ODR4: variants seen among roughly 807,000 people sequenced by gnomAD.
The protein encoded by ODR4 is odr-4 GPCR localization factor homolog.
A neutral mutation model predicts 60.2 loss-of-function variants in ODR4; 47 were observed. The observed-to-expected ratio is 0.78, with a 90% confidence interval of 0.62 to 1.00. The LOEUF is 1.00. ODR4 is among the 50% of genes least tolerant of loss of function. The pLI is 0.00. For synonymous variants in ODR4, 178 were observed against 175.5 expected (o/e 1.01, Z -0.11); for missense variants, 488 against 530.8 (o/e 0.92, Z 0.79).
chr1:186,399,286 G>A, intron 11 of ODR4: 1 of 491,240 alleles, frequency 2.0e-6, no homozygotes, highest in Non-Finnish European at 3.8e-6. Flanking sequence ...CTCACCTGCA[G>A]CCTCAGCCTC....
chr1:186,375,959 C>G lies in ODR4; in HGVS notation c.-35C>G, dbSNP rs116008694. On this transcript the variant is annotated 5_prime_UTR_variant, in exon 1 of 14. Transcript: ENST00000287859. ...CCGAGGTAATTGTCTGCCACGAGTG[C>G]ACATTCTGAAAACAGGTAAGTCAGC... 484 of 211,864 alleles carry G rather than the reference C, an allele frequency of 2.3e-3. 4 individuals are homozygous for G. Among genetic ancestry groups the G allele is most frequent in the African/African-American group, 0.01 (466 of 44,416 alleles). The allele number at this position is 211,864 out of a possible 1,614,324, so 13.1% of individuals were successfully genotyped here.
At chr1:186,393,700 G>A (rs531611549) in intron 8 of ODR4, among the ~76,000 whole-genome samples, 6 of 152,332 alleles carry the variant, frequency 3.9e-5, no homozygotes, top group Non-Finnish European at 8.8e-5. Context: ...GGCAATGTGG[G>A]TATTTGCCCA....
At chr1:186,407,403 T>C (rs1018460619) in intron 12 of ODR4, among the ~76,000 whole-genome samples, 14 of 152,108 alleles carry the variant, frequency 9.2e-5, no homozygotes, top group Non-Finnish European at 1.5e-5. Flanking sequence ...CCAACGAAAC[T>C]TAGGATCATG....
intron 11 of ODR4, chr1:186,401,216 C>A (rs771912728): frequency 6.6e-7 from 1 of 1,518,562 alleles, no homozygotes; most frequent in Admixed American, 1.8e-5. Flanking sequence ...AAATTAATGG[C>A]CCCTAACAGC....
chr1:186,408,648 TATA>T (rs1661260423), intron 12 of ODR4, among the ~76,000 whole-genome samples: 1 of 150,048 alleles, frequency 6.7e-6, no homozygotes, highest in Admixed American at 6.7e-5. Context: ...TTATAAAATA[TATA>T]ATATAAACAA....
intron 12 of ODR4, among the ~76,000 whole-genome samples, chr1:186,410,773 T>G (rs990740241): frequency 6.6e-6 from 1 of 152,212 alleles, no homozygotes; most frequent in Non-Finnish European, 1.5e-5. Context: ...CCCAGCACTT[T>G]GGGAGGCCAA....
At chr1:186,407,577 G>A (rs1266159952) in intron 12 of ODR4, among the ~76,000 whole-genome samples, 1 of 151,838 alleles carries the variant, frequency 6.6e-6, no homozygotes, top group East Asian at 1.9e-4. Flanking sequence ...TAGCAGATGG[G>A]GATTCAGATT....
rs6677178 is a variant in ODR4, at chr1:186,418,448, G to A, written c.1298-561G>A. Among the ~76,000 whole-genome samples, 525 of 152,002 alleles carry A rather than the reference G, an allele frequency of 3.5e-3. 2 individuals are homozygous for A. The highest frequency in any genetic ancestry group is 0.012 in the African/African-American group (495 of 41,482). ...TGGGACTACAGGCGCCCGCCACCGC[G>A]CCCGGCTAATTTTTTGTATTTTTAG... On this transcript the variant is annotated intron_variant, in intron 13 of 13. Transcript: ENST00000287859.
chr1:186,391,109 T>TA lies in ODR4; in HGVS notation c.615+259dup, dbSNP rs1660452299. On this transcript the variant is annotated intron_variant, in intron 7 of 13. Coordinates refer to ENST00000287859, the MANE Select transcript of ODR4 (RefSeq NM_017847.6). ...TTAGACTAAATATACTAGTACTTAT[T>TA]ATGTGCTGATTAAGTATTATTATGT... 5.3e-5 allele frequency among the ~76,000 whole-genome samples: 8 copies of TA among 152,260 alleles called. No homozygotes were observed. In the South Asian group the frequency reaches 1.7e-3, roughly 32 times the overall value.
chr1:186,379,823 A>G lies in ODR4; in HGVS notation c.38A>G (p.Gln13Arg). The change falls in exon 2 of 14, where the codon CAG becomes CGG. Residue 13 changes from glutamine to arginine, a missense_variant. By Grantham distance (43) the Gln-to-Arg change is conservative. Transcript: ENST00000287859. ...RTYIVEETVGQYLSNINLQGK... is the reference protein window; with the variant it reads ...RTYIVEETVGRYLSNINLQGK... ...TACATTGTAGAAGAGACTGTTGGCCAGTATCTTTCAAACATAAATCTCCAA... is the reference window on the plus strand; with the variant it reads ...TACATTGTAGAAGAGACTGTTGGCCGGTATCTTTCAAACATAAATCTCCAA... 6.2e-7 allele frequency: 1 copy of G among 1,608,906 alleles called. No individual in the cohort carries two copies. Among genetic ancestry groups the G allele is most frequent in the Non-Finnish European group, 8.5e-7 (1 of 1,177,922 alleles).
At chr1:186,417,297 G>A in intron 12 of ODR4, 3 of 354,714 alleles carry the variant, frequency 8.5e-6, no homozygotes, top group South Asian at 2.9e-5. Context: ...ATTCAGAACT[G>A]GCTGTGTGGC....
downstream of ODR4, among the ~76,000 whole-genome samples, chr1:186,425,561 A>G (rs780205707): frequency 2.6e-5 from 4 of 152,068 alleles, no homozygotes; most frequent in Non-Finnish European, 5.9e-5. Context: ...TCATCTCTTC[A>G]AGACAGGCCT....
At position 186,387,974 on chromosome 1, in the gene ODR4, A is replaced by G. The variant is rs368745700; in HGVS notation, c.331-468A>G. Among the ~76,000 whole-genome samples the G allele has an allele frequency of 3.9e-5, 6 of 152,236 alleles. No individual in the cohort carries two copies. In the South Asian group the frequency reaches 1.2e-3, roughly 31 times the overall value. ...AAATAAGAAATGCTAAATGGGTGAC[A>G]TGCTTGATTTCTTTAGTTAAAATCA... On this transcript the variant is annotated intron_variant, in intron 4 of 13. Transcript: ENST00000287859.
chr1:186,413,618 T>G (rs1010425603), intron 12 of ODR4, among the ~76,000 whole-genome samples: 2 of 152,184 alleles, frequency 1.3e-5, no homozygotes, highest in Non-Finnish European at 2.9e-5. Flanking sequence ...CTTTAAAATC[T>G]GGTGAACCTC....
At chr1:186,400,683 G>A in intron 11 of ODR4, 1 of 217,330 alleles carries the variant, frequency 4.6e-6, no homozygotes, top group Non-Finnish European at 9.0e-6. Context: ...AGTATGTTAA[G>A]TTTGATGGAC....
At chr1:186,396,180 G>C (rs931758984) in intron 9 of ODR4, among the ~76,000 whole-genome samples, 40 of 152,150 alleles carry the variant, frequency 2.6e-4, no homozygotes, top group African/African-American at 8.7e-4. Context: ...CAGCATCATA[G>C]AAGTTCCCTC....
At chr1:186,403,889 C>T (rs185359958) in intron 11 of ODR4, among the ~76,000 whole-genome samples, 11 of 152,136 alleles carry the variant, frequency 7.2e-5, no homozygotes, top group South Asian at 6.2e-4. Context: ...TGTACCACTC[C>T]ACTGTCTTCC....
intron 12 of ODR4, among the ~76,000 whole-genome samples, chr1:186,407,590 ATTC>A (rs1215785577): frequency 2.6e-5 from 4 of 152,088 alleles, no homozygotes; most frequent in Non-Finnish European, 5.9e-5. Flanking sequence ...TTCAGATTCT[ATTC>A]TTCTTTATTC....
intron 12 of ODR4, 129 bp from the exon 13 acceptor site, chr1:186,417,415 A>G: frequency 1.5e-6 from 1 of 651,010 alleles, no homozygotes; most frequent in Non-Finnish European, 2.7e-6. Flanking sequence ...CAAATTCAGT[A>G]TGTTATATAA....
Sources: gnomAD v4.1 joint callset for allele counts (sites outside exome capture counted in the v4.1 genomes callset) on GRCh38, gnomAD v4.1.1 for gene constraint, MANE v1.5 for transcripts, NCBI Gene and HGNC (gene_info 2026-07-23, HGNC 2026-07-21) for gene names.